Variants in LSS observed in about 807,000 individuals in gnomAD.
The protein encoded by LSS is lanosterol synthase.
Under a neutral mutation model 110.3 loss-of-function variants are expected in LSS, and 90 were observed. The ratio of observed to expected loss-of-function variants is 0.82; its 90% CI spans 0.69 to 0.97. LSS has a LOEUF of 0.97. Among genes scored for constraint, LSS ranks in the 50% least tolerant of loss-of-function variants. LSS has a pLI of 0.00. For synonymous variants in LSS, 433 were observed against 400.0 expected, an observed-to-expected ratio of 1.08 and a Z score of -0.98; for missense variants, 927 against 990.0, an observed-to-expected ratio of 0.94 and a Z score of 0.85.
intron 12 of LSS, among the ~76,000 whole-genome samples, chr21:46,210,406 C>T (rs553886337): frequency 6.6e-6 from 1 of 152,248 alleles, no homozygotes; most frequent in East Asian, 1.9e-4. Context: ...AGTCCCACTC[C>T]TGCCTGCACT....
chr21:46,226,778 G>T (rs896199352), intron 3 of LSS, among the ~76,000 whole-genome samples: 4 of 152,160 alleles, frequency 2.6e-5, no homozygotes, highest in Non-Finnish European at 5.9e-5. Context: ...AAGGCAATTT[G>T]GATGAGTAAA....
intron 17 of LSS, among the ~76,000 whole-genome samples, chr21:46,203,348 G>A (rs1165854549): frequency 3.3e-5 from 5 of 152,242 alleles, no homozygotes; most frequent in Non-Finnish European, 2.9e-5. Flanking sequence ...CGTGCTGGAG[G>A]AGCGCGCTCA....
Position 46,215,283 on chromosome 21 carries a change from T to C in LSS, c.908A>G (p.Tyr303Cys), listed in dbSNP as rs150061696. The part of the protein sequence containing the change: ...LRVVYALLNL[Y>C]EHHHSAHLRQ... ...CAGGTGGGCACTGTGGTGGTGCTCA[T>C]ACAGGTTGAGGAGCGCTACAGGGGA... Residue 303 changes from tyrosine (Y) to cysteine (C), a missense_variant, in exon 9 of 22, where the codon TAT becomes TGT. Coordinates refer to ENST00000397728, the MANE Select transcript of LSS (RefSeq NM_002340.6). The C allele has an allele frequency of 7.5e-6, 12 of 1,609,078 alleles. No homozygotes were observed. Among genetic ancestry groups the C allele is most frequent in the African/African-American group, 1.3e-5 (1 of 74,856 alleles).
chr21:46,195,405 C>G (rs1448464788), intron 19 of LSS, among the ~76,000 whole-genome samples: 1 of 152,186 alleles, frequency 6.6e-6, no homozygotes, highest in African/African-American at 2.4e-5. Flanking sequence ...GACTCCATCT[C>G]TACATAAAAG....
At chr21:46,224,314 T>C (rs2080311668) in intron 3 of LSS, among the ~76,000 whole-genome samples, 1 of 152,216 alleles carries the variant, frequency 6.6e-6, no homozygotes, top group Non-Finnish European at 1.5e-5. Context: ...TTTTGCTTTG[T>C]ATCCAATAAA....
chr21:46,227,601 C>T lies in LSS; in HGVS notation c.270G>A (p.Glu90=). Residue 90 remains glutamate (E), a synonymous_variant, in exon 3 of 22, where the codon GAG becomes GAA. Coordinates refer to ENST00000397728, the MANE Select transcript of LSS (RefSeq NM_002340.6). The part of the protein sequence containing the change: ...GMTFYVGLQA[E]DGHWTGDYGG... The stretch of plus-strand genomic sequence containing the variant: ...CATAATCACCCGTCCAGTGCCCATC[C>T]TCAGCCTGCAGCCCCACGTAAAATG... The T allele has an allele frequency of 1.9e-6, 3 of 1,613,988 alleles. No homozygotes were observed. In the South Asian group the frequency reaches 3.3e-5, roughly 18 times the overall value.
intron 17 of LSS, among the ~76,000 whole-genome samples, chr21:46,199,443 T>C (rs1350358030): frequency 6.6e-6 from 1 of 152,212 alleles, no homozygotes; most frequent in Non-Finnish European, 1.5e-5. Flanking sequence ...CCACTTAAGA[T>C]ACAGTTTGGC....
rs369270111 is a variant in LSS at position 46,215,678 on chromosome 21, C to T, written c.892+7G>A. 1.5e-5 allele frequency: 24 copies of T among 1,594,166 alleles called. No individual in the cohort carries two copies. The highest frequency in any genetic ancestry group is 3.3e-4 in the Middle Eastern group (2 of 5,988). ...GCTGCCCTGCCGGCCCCTCAGGAGG[C>T]GCTCACCATATACCACGCGGAGCAG... On this transcript the variant is annotated splice_region_variant and intron_variant, in intron 8 of 21. Coordinates refer to ENST00000397728, the MANE Select transcript of LSS (RefSeq NM_002340.6).
rs186520330 is a variant in LSS, at chr21:46,206,893, G to A, written c.1468-125C>T. The A allele has an allele frequency of 1.1e-4, 83 of 724,656 alleles. 1 individual carries two copies. The highest frequency in any genetic ancestry group is 8.7e-4 in the South Asian group (57 of 65,220). 44.9% of individuals were successfully genotyped at this position (724,656 alleles called of 1,614,324 possible). A position where few individuals can be genotyped will look rare whatever the true frequency, so the allele number is the denominator to read the frequency against. ...AACCGATGGGGCAGGAACAGGGGGC[G>A]GAGAGCTGATTTCCACGTTAACCAA... On this transcript the variant is annotated intron_variant, in intron 15 of 21. Coordinates refer to ENST00000397728, the MANE Select transcript of LSS (RefSeq NM_002340.6).
chr21:46,219,612 G>T, intron 5 of LSS, 40 bp from the exon 6 acceptor site: 2 of 1,309,148 alleles, frequency 1.5e-6, no homozygotes, highest in Non-Finnish European at 2.1e-6. Flanking sequence ...TCTGCTTCCT[G>T]TCAGCAAAGT....
In LSS at chr21:46,193,457, C is replaced by T. The variant is rs1244347568; in HGVS notation, c.1988+1034G>A. 1.6e-5 allele frequency: 7 copies of T among 429,310 alleles called. 1 individual carries two copies. Among genetic ancestry groups the T allele is most frequent in the Non-Finnish European group, 2.8e-5 (6 of 218,020 alleles). 26.6% of individuals were successfully genotyped at this position (429,310 alleles called of 1,614,324 possible). A position where few individuals can be genotyped will look rare whatever the true frequency, so the allele number is the denominator to read the frequency against. On this transcript the variant is annotated intron_variant, in intron 20 of 21. Transcript: ENST00000397728. ...AGATGGTATGCTGTGGGTGTATCTGCGTGTGTGTACACAGGTGCCTGTGCA... is the reference window on the plus strand; with the variant it reads ...AGATGGTATGCTGTGGGTGTATCTGTGTGTGTGTACACAGGTGCCTGTGCA...
chr21:46,197,051 G>C (rs888818104), intron 17 of LSS, among the ~76,000 whole-genome samples: 2 of 152,242 alleles, frequency 1.3e-5, no homozygotes, highest in Non-Finnish European at 2.9e-5. Context: ...GGCAGAGGAC[G>C]ACCTGCGAGG....
chr21:46,196,481 G>A (rs533925044), intron 17 of LSS: 22 of 561,090 alleles, frequency 3.9e-5, no homozygotes, highest in African/African-American at 2.2e-4. Flanking sequence ...AGAAAGGGAC[G>A]TGAGGGGAAA....
At chr21:46,193,859 GCA>G (rs1204756404) in intron 20 of LSS, 1 of 429,702 alleles carries the variant, frequency 2.3e-6, no homozygotes, top group Non-Finnish European at 4.7e-6. Context: ...ATACGTGTGT[GCA>G]CAGACCTGTG....
At chr21:46,205,659 G>T (rs1324610890) in intron 17 of LSS, among the ~76,000 whole-genome samples, 177 bp downstream of exon 17, 1 of 152,230 alleles carries the variant, frequency 6.6e-6, no homozygotes, top group East Asian at 1.9e-4. Flanking sequence ...GCCCCTAACA[G>T]ATATTTTGTA....
rs567078822 is a variant in LSS at position 46,218,878 on chromosome 21, C to T, written c.647+598G>A. ...GTAGCTGGAAACTAGAGGCACGCGC[C>T]GCCACGCCCAGCTAATTTTTGTATT... On this transcript the variant is annotated intron_variant, in intron 6 of 21. Transcript: ENST00000397728. Among the ~76,000 whole-genome samples the T allele has an allele frequency of 2.4e-4, 36 of 152,000 alleles. 1 individual carries two copies. Among genetic ancestry groups the T allele is most frequent in the Admixed American group, 5.9e-4 (9 of 15,274 alleles).
Position 46,205,909 on chromosome 21 carries a change from A to T in LSS, c.1597T>A (p.Cys533Ser). Residue 533 changes from cysteine to serine, a missense_variant, in exon 17 of 22, where the codon TGC (cysteine) becomes AGC (serine). By Grantham distance (112) the Cys-to-Ser change is moderately radical. Coordinates refer to ENST00000397728, the MANE Select transcript of LSS (RefSeq NM_002340.6). The stretch of plus-strand genomic sequence containing the variant: ...AGCGCCTGCATCACGGCTGAGGTGC[A>T]CTCCACATAGGTGTAGTCAATCATG... ...DIMIDYTYVE[C>S]TSAVMQALKY... 6.2e-7 allele frequency: 1 copy of T among 1,611,010 alleles called. No individual in the cohort carries two copies. The highest frequency in any genetic ancestry group is 8.5e-7 in the Non-Finnish European group (1 of 1,178,808).
Position 46,190,844 on chromosome 21 carries a change from G to T in LSS, c.*260C>A. On this transcript the variant is annotated 3_prime_UTR_variant, in exon 22 of 22. Coordinates refer to ENST00000397728, the MANE Select transcript of LSS (RefSeq NM_002340.6). This position sits in a 1 kb window ranked among gnomAD's most constrained non-coding sequence, Gnocchi z 4.6. Reference sequence around the variant, plus strand: ...GGCAGAAGGCGCTGTGCCTCCTCAGGGGTCACGGCTCCTGTGCCCCCTTCC... The same window carrying T: ...GGCAGAAGGCGCTGTGCCTCCTCAGTGGTCACGGCTCCTGTGCCCCCTTCC... The T allele has an allele frequency of 1.2e-5, 6 of 501,628 alleles. No individual in the cohort carries two copies. In the South Asian group the frequency reaches 1.7e-4, roughly 14 times the overall value. 31.1% of individuals were successfully genotyped at this position (501,628 alleles called of 1,614,324 possible).
At chr21:46,219,074 G>T (rs1267847421) in intron 6 of LSS, among the ~76,000 whole-genome samples, 1 of 152,150 alleles carries the variant, frequency 6.6e-6, no homozygotes, top group Non-Finnish European at 1.5e-5. Context: ...CAGGTGAGGT[G>T]TCACGTCGGG....
Sources: gnomAD v4.1 joint callset for allele counts (sites outside exome capture counted in the v4.1 genomes callset) on GRCh38, gnomAD v4.1.1 for gene constraint, Gnocchi (gnomAD v3.1) non-coding constraint, MANE v1.5 for transcripts, NCBI Gene and HGNC (gene_info 2026-07-23, HGNC 2026-07-21) for gene names.